CCDC6: variants seen among roughly 807,000 people sequenced by gnomAD.
CCDC6 encodes the protein coiled-coil domain-containing protein 6.
Under a neutral mutation model 56.6 loss-of-function variants are expected in CCDC6, and 20 were observed. That is an observed-to-expected ratio of 0.35 (90% CI 0.25 to 0.51). CCDC6 has a LOEUF of 0.51. Ranked by LOEUF, CCDC6 falls within the 20% of genes least tolerant of loss-of-function variation. The pLI, the probability that CCDC6 is intolerant of heterozygous loss-of-function variation, is 0.95. For missense variants in CCDC6, 367 were observed against 601.1 expected (o/e 0.61, Z 4.07); for synonymous variants, 241 against 234.4 (o/e 1.03, Z -0.26).
chr10:59,802,219 T>C (rs7079829), intron 7 of CCDC6, among the ~76,000 whole-genome samples: 74,232 of 151,986 alleles, frequency 0.49, 19,068 homozygotes, highest in African/African-American at 0.66. Flanking sequence ...TTTTAGGCTA[T>C]GTATTTTTCA....
intron 3 of CCDC6, among the ~76,000 whole-genome samples, chr10:59,827,764 C>T (rs776243278): frequency 6.6e-6 from 1 of 151,964 alleles, no homozygotes; most frequent in South Asian, 2.1e-4. Flanking sequence ...CCAGGAATAA[C>T]TGAAAAAAAG....
In CCDC6 at chr10:59,906,385, C is replaced by T; in HGVS notation, c.40G>A (p.Gly14Arg). ...SASESDTDGA[G>R]GNSSSSAAMQ... ...GCGGCCGAGCTGCTGCTGTTGCCCC[C>T]CGCCCCGTCCGTGTCGCTCTCGCTG... is the stretch of plus-strand genomic sequence containing the variant. The change falls in exon 1 of 9, where the codon GGG (glycine) becomes AGG (arginine). Residue 14 changes from glycine (G) to arginine (R), a missense_variant. By Grantham distance (125) the Gly-to-Arg change is moderately radical (BLOSUM62 -2). Transcript: ENST00000263102. The T allele has an allele frequency of 6.3e-7, 1 of 1,585,952 alleles. No individual in the cohort carries two copies.
intron 1 of CCDC6, among the ~76,000 whole-genome samples, chr10:59,894,864 G>GAC (rs2071450381): frequency 6.6e-6 from 1 of 152,146 alleles, no homozygotes; most frequent in Non-Finnish European, 1.5e-5. Context: ...TCTTTTCCAA[G>GAC]ACAGGGAGTT....
At chr10:59,861,696 G>A (rs1253875385) in intron 1 of CCDC6, among the ~76,000 whole-genome samples, 2 of 152,184 alleles carry the variant, frequency 1.3e-5, no homozygotes, top group African/African-American at 2.4e-5. Context: ...TTCCTTCAAT[G>A]GGCTCATTAG....
intron 7 of CCDC6, among the ~76,000 whole-genome samples, chr10:59,803,953 C>T (rs2070597719): frequency 6.6e-6 from 1 of 152,164 alleles, no homozygotes; most frequent in Non-Finnish European, 1.5e-5. Context: ...AGTAGTGACC[C>T]TCTGAATTGC....
chr10:59,823,315 C>G (rs1459621572), intron 3 of CCDC6, among the ~76,000 whole-genome samples: 1 of 152,162 alleles, frequency 6.6e-6, no homozygotes, highest in African/African-American at 2.4e-5. Context: ...TAAAAGAGTA[C>G]AGTAACACAC....
At chr10:59,830,071 C>A in intron 3 of CCDC6, among the ~76,000 whole-genome samples, 1 of 152,182 alleles carries the variant, frequency 6.6e-6, no homozygotes, top group Non-Finnish European at 1.5e-5. Flanking sequence ...CATGCCCAAA[C>A]CTACACTTAC....
intron 1 of CCDC6, among the ~76,000 whole-genome samples, chr10:59,905,055 G>A (rs2071532442): frequency 6.6e-6 from 1 of 152,104 alleles, no homozygotes; most frequent in Non-Finnish European, 1.5e-5. Flanking sequence ...TTGATTTCTT[G>A]ACATCATCTT....
chr10:59,816,010 TAAG>T (rs2070707142), intron 3 of CCDC6, among the ~76,000 whole-genome samples: 1 of 152,302 alleles, frequency 6.6e-6, no homozygotes, highest in East Asian at 1.9e-4. Flanking sequence ...AGCTTAGTCT[TAAG>T]AAGCAACAAT....
intron 1 of CCDC6, among the ~76,000 whole-genome samples, chr10:59,883,736 T>G (rs2071363234): frequency 6.6e-6 from 1 of 152,202 alleles, no homozygotes; most frequent in African/African-American, 2.4e-5. Context: ...CACACTTTCC[T>G]CTAAAACTCC....
intron 2 of CCDC6, among the ~76,000 whole-genome samples, chr10:59,841,800 TG>T (rs1201143673): frequency 6.6e-6 from 1 of 151,626 alleles, no homozygotes; most frequent in East Asian, 1.9e-4. Flanking sequence ...CCCGAGTAGC[TG>T]GGACTACGGG....
At chr10:59,878,589 A>G (rs960783985) in intron 1 of CCDC6, among the ~76,000 whole-genome samples, 2 of 152,238 alleles carry the variant, frequency 1.3e-5, no homozygotes, top group East Asian at 3.8e-4. Flanking sequence ...CCTGTTAGAC[A>G]AGAAAATTAG....
At chr10:59,894,941 T>C (rs1267056022) in intron 1 of CCDC6, among the ~76,000 whole-genome samples, 4 of 152,206 alleles carry the variant, frequency 2.6e-5, no homozygotes, top group African/African-American at 9.7e-5. Flanking sequence ...GGAGCAGCCC[T>C]GACTATCCTA....
chr10:59,853,398 G>A (rs1022241872), intron 1 of CCDC6, among the ~76,000 whole-genome samples: 1 of 152,076 alleles, frequency 6.6e-6, no homozygotes, highest in Non-Finnish European at 1.5e-5. Context: ...GTCAGGCATG[G>A]TGGCACATGC....
At chr10:59,837,695 G>A (rs6479659) in intron 2 of CCDC6, among the ~76,000 whole-genome samples, 60,603 of 145,340 alleles carry the variant, frequency 0.42, 12,771 homozygotes, top group African/African-American at 0.49. Flanking sequence ...GCAGTTAGCC[G>A]AGATCGCACC....
intron 3 of CCDC6, among the ~76,000 whole-genome samples, chr10:59,825,974 G>A (rs541249574): frequency 6.6e-6 from 1 of 152,240 alleles, no homozygotes; most frequent in South Asian, 2.1e-4. Flanking sequence ...TAGATGATGA[G>A]GGGCACTGAG....
chr10:59,808,911 C>T (rs555202748), intron 5 of CCDC6, among the ~76,000 whole-genome samples: 1 of 152,196 alleles, frequency 6.6e-6, no homozygotes, highest in Admixed American at 6.5e-5. Flanking sequence ...AATAAAAATA[C>T]CAAAATTATT....
intron 1 of CCDC6, among the ~76,000 whole-genome samples, chr10:59,891,871 G>C (rs1369778333): frequency 6.6e-6 from 1 of 152,184 alleles, no homozygotes; most frequent in African/African-American, 2.4e-5. Context: ...ATTAATAGTA[G>C]TTTGGAGAAA....
chr10:59,896,099 C>T (rs2071460938), intron 1 of CCDC6, among the ~76,000 whole-genome samples: 1 of 152,206 alleles, frequency 6.6e-6, no homozygotes, highest in Non-Finnish European at 1.5e-5. Context: ...GGACTCTGCC[C>T]TATATGCTTT....
Sources: gnomAD v4.1 joint callset for allele counts (sites outside exome capture counted in the v4.1 genomes callset) on GRCh38, gnomAD v4.1.1 for gene constraint, MANE v1.5 for transcripts, NCBI Gene and HGNC (gene_info 2026-07-23, HGNC 2026-07-21) for gene names.